FGA: variants seen among roughly 807,000 people sequenced by gnomAD.
FGA encodes fibrinogen alpha chain, also known as fibrinogen, A alpha polypeptide.
In FGA, 20 loss-of-function variants were observed where a neutral mutation model predicts 20.3. That is an observed-to-expected ratio of 0.99 (90% CI 0.69 to 1.43). FGA has a LOEUF of 1.43. Ranked by LOEUF, FGA falls within the 40% of genes most tolerant of loss-of-function variation. The pLI is 0.00. For missense variants in FGA, 777 were observed against 784.7 expected (o/e 0.99, Z 0.12); for synonymous variants, 306 against 281.6 (o/e 1.09, Z -0.87).
In FGA at chr4:154,586,408, T is replaced by G. The variant is rs1376400427; in HGVS notation, c.1021A>C (p.Thr341Pro). ...GGGTTTTGGTTTCCAGTACTTCCAG[T>G]TCCAGAGCTCCCAGAGTTCCAGCTT... Reference protein sequence around the residue: ...TGSWNSGSSGTGSTGNQNPGS... With the variant: ...TGSWNSGSSGPGSTGNQNPGS... Residue 341 changes from threonine (T) to proline (P), a missense_variant, in exon 5 of 5, where the codon ACT becomes CCT. Transcript: ENST00000403106. 1.2e-6 allele frequency: 2 copies of G among 1,612,692 alleles called. No individual in the cohort carries two copies. The highest frequency in any genetic ancestry group is 1.1e-5 in the South Asian group (1 of 90,938).
downstream of FGA, chr4:154,584,139 G>T (rs2070033): frequency 1.6e-6 from 2 of 1,269,914 alleles, no homozygotes; most frequent in Admixed American, 2.3e-5. Context: ...GGGTCACAAG[G>T]GGCCTAATTT....
In FGA at chr4:154,585,346, T is replaced by C; in HGVS notation, c.*148A>G. 2 of 1,109,104 alleles carry C rather than the reference T, an allele frequency of 1.8e-6. No homozygotes were observed. Among genetic ancestry groups the C allele is most frequent in the Middle Eastern group, 2.1e-4 (1 of 4,786 alleles). The allele number at this position is 1,109,104 out of a possible 1,614,324, so 68.7% of individuals were successfully genotyped here. On this transcript the variant is annotated 3_prime_UTR_variant, in exon 5 of 5. Coordinates refer to ENST00000403106, the MANE Select transcript of FGA (RefSeq NM_021871.4). ...TGTTAGGCATTTGGGAATACAGAGA[T>C]GAGACAGACAAAGGCCCTGCCCCCA...
chr4:154,588,468 A>G (rs1249202772), intron 3 of FGA, among the ~76,000 whole-genome samples: 1 of 152,228 alleles, frequency 6.6e-6, no homozygotes, highest in Non-Finnish European at 1.5e-5. Context: ...TTTACAAAGC[A>G]GAAACAAAAA....
At chr4:154,584,779 T>C (rs760911533), downstream of FGA, 7 of 1,614,008 alleles carry the variant, frequency 4.3e-6, no homozygotes, top group Admixed American at 5.0e-5. Flanking sequence ...TAGCTTGATA[T>C]TGAAAATGCC....
chr4:154,589,607 T>G, intron 1 of FGA, 45 bp from the exon 2 acceptor site: 1 of 1,605,708 alleles, frequency 6.2e-7, no homozygotes, highest in South Asian at 1.1e-5. Context: ...AACAGCAATG[T>G]TAGCCAGAAG....
Position 154,585,784 on chromosome 4 carries a change from A to G in FGA, c.1645T>C (p.Ser549Pro). 6.2e-7 allele frequency: 1 copy of G among 1,614,184 alleles called. No homozygotes were observed. The highest frequency in any genetic ancestry group is 8.5e-7 in the Non-Finnish European group (1 of 1,180,022). Residue 549 changes from serine to proline, a missense_variant, in exon 5 of 5, where the codon TCA (serine) becomes CCA (proline). By Grantham distance (74) the Ser-to-Pro change is moderately conservative (BLOSUM62 -1). Coordinates refer to ENST00000403106, the MANE Select transcript of FGA (RefSeq NM_021871.4). The part of the protein sequence containing the change: ...EFVSETESRG[S>P]ESGIFTNTKE... ...GTATTTGTGAAGATGCCAGATTCTG[A>G]GCCCCTAGACTCAGTCTCACTGACA...
At chr4:154,590,506 C>G (rs1357529910) in intron 1 of FGA, 128 bp downstream of exon 1, 1 of 806,690 alleles carries the variant, frequency 1.2e-6, no homozygotes, top group African/African-American at 1.7e-5. Flanking sequence ...CAGGAAATTT[C>G]CTCCCAGGCC....
In FGA at chr4:154,585,785, G is replaced by T. The variant is rs368704885; in HGVS notation, c.1644C>A (p.Gly548=). The T allele has an allele frequency of 6.2e-7, 1 of 1,614,144 alleles. No homozygotes were observed. Among genetic ancestry groups the T allele is most frequent in the Admixed American group, 1.7e-5 (1 of 60,022 alleles). ...GEFVSETESR[G]SESGIFTNTK... is the part of the protein sequence containing the mutation. ...TATTTGTGAAGATGCCAGATTCTGA[G>T]CCCCTAGACTCAGTCTCACTGACAA... Residue 548 remains glycine (G), a synonymous_variant, in exon 5 of 5, where the codon GGC becomes GGA. Transcript: ENST00000403106.
rs1217192306 is a variant in FGA, at chr4:154,586,207, G to A, written c.1222C>T (p.Pro408Ser). ...ACCTCTTCAAATGTGCCCCAGTCTG[G>A]GTTGTTAGGCCTCGCGTTCCCAGAG... ...PGSGNARPNNPDWGTFEEVSG... is the reference protein window; with the variant it reads ...PGSGNARPNNSDWGTFEEVSG... The change falls in exon 5 of 5, where the codon CCA (proline) becomes TCA (serine). Residue 408 changes from proline to serine, a missense_variant. Pro to Ser is a moderately conservative substitution (Grantham distance 74). Transcript: ENST00000403106. 6.2e-7 allele frequency: 1 copy of A among 1,613,896 alleles called. No individual in the cohort carries two copies. The highest frequency in any genetic ancestry group is 8.5e-7 in the Non-Finnish European group (1 of 1,179,994).
At chr4:154,590,055 T>C (rs1730831565) in intron 1 of FGA, among the ~76,000 whole-genome samples, 2 of 152,224 alleles carry the variant, frequency 1.3e-5, no homozygotes, top group Admixed American at 6.5e-5. Flanking sequence ...GATGGATTCA[T>C]AATTTAAAAG....
downstream of FGA, chr4:154,584,578 A>G (rs763532423): frequency 5.0e-6 from 8 of 1,614,010 alleles, no homozygotes; most frequent in African/African-American, 1.3e-5. Flanking sequence ...TTGGGTTAGT[A>G]AGTGGAGGTA....
At chr4:154,584,672 A>T, downstream of FGA, 5 of 1,614,104 alleles carry the variant, frequency 3.1e-6, no homozygotes, top group Non-Finnish European at 4.2e-6. Flanking sequence ...GTCCGGTTAA[A>T]ATTCAGTGAT....
At chr4:154,584,919 T>C (rs904353061), downstream of FGA, 9 of 1,013,000 alleles carry the variant, frequency 8.9e-6, no homozygotes, top group African/African-American at 1.3e-4. Flanking sequence ...ATAAGGCAAA[T>C]ACTGTTTCTT....
At position 154,590,709 on chromosome 4, in the gene FGA, C is replaced by T. The variant is rs149887756; in HGVS notation, c.-22G>A. On this transcript the variant is annotated 5_prime_UTR_variant, in exon 1 of 5. Coordinates refer to ENST00000403106, the MANE Select transcript of FGA (RefSeq NM_021871.4). Reference sequence around the variant, plus strand: ...ACATCTTTTCTAAGGGTGGGGCTGGCTCCTGAGGAGCACTCCAGCTGAAAG... The same window carrying T: ...ACATCTTTTCTAAGGGTGGGGCTGGTTCCTGAGGAGCACTCCAGCTGAAAG... 3.8e-4 allele frequency: 583 copies of T among 1,546,782 alleles called. No individual in the cohort carries two copies. In the African/African-American group the frequency reaches 7.1e-3, roughly 19 times the overall value.
downstream of FGA, chr4:154,584,099 G>A (rs1730647637): frequency 1.3e-6 from 2 of 1,556,014 alleles, no homozygotes; most frequent in African/African-American, 2.7e-5. Context: ...AGAAGACAGA[G>A]TGCTCCCATT....
downstream of FGA, chr4:154,584,031 G>C: frequency 1.0e-6 from 1 of 980,498 alleles, no homozygotes; most frequent in South Asian, 1.3e-5. Flanking sequence ...GAATTTTTTA[G>C]GTTGTAGAGA....
chr4:154,584,893 G>T (rs1461699081), downstream of FGA: 159 of 1,251,640 alleles, frequency 1.3e-4, no homozygotes, highest in Non-Finnish European at 1.8e-4. Context: ...ACAAAGATAG[G>T]CACGGCTCAG....
chr4:154,590,549 TAG>T, intron 1 of FGA, 83 bp downstream of exon 1: 1 of 1,133,664 alleles, frequency 8.8e-7, no homozygotes, highest in Non-Finnish European at 1.3e-6. Context: ...TGTCAGGACA[TAG>T]AGCAGGTAGA....
Position 154,586,528 on chromosome 4 carries a change from C to T in FGA, c.901G>A (p.Gly301Arg). Residue 301 changes from glycine to arginine, a missense_variant, in exon 5 of 5, where the codon GGA (glycine) becomes AGA (arginine). Transcript: ENST00000403106. ...TTTCGGTTTCCAGTACTTCCAGGTC[C>T]AGAGCTCCCAGAGTTCCAGCTTCCA... ...SAGSWNSGSSGPGSTGNRNPG... is the reference protein window; with the variant it reads ...SAGSWNSGSSRPGSTGNRNPG... 3 of 1,613,790 alleles carry T rather than the reference C, an allele frequency of 1.9e-6. No individual in the cohort carries two copies. Among genetic ancestry groups the T allele is most frequent in the Non-Finnish European group, 2.5e-6 (3 of 1,179,966 alleles).
Sources: gnomAD v4.1 joint callset for allele counts (sites outside exome capture counted in the v4.1 genomes callset) on GRCh38, gnomAD v4.1.1 for gene constraint, MANE v1.5 for transcripts, NCBI Gene and HGNC (gene_info 2026-07-23, HGNC 2026-07-21) for gene names.